Variants in WNT8A observed in about 807,000 individuals in gnomAD.
The protein encoded by WNT8A is protein Wnt-8a.
WNT8A carries 14 observed loss-of-function variants against 20.5 expected under a neutral mutation model. The ratio of observed to expected loss-of-function variants is 0.68; its 90% CI spans 0.45 to 1.07. WNT8A has a LOEUF of 1.07. Ranked by LOEUF, WNT8A falls within the 50% of genes least tolerant of loss-of-function variation. The pLI, the probability that WNT8A is intolerant of heterozygous loss-of-function variation, is 0.00. For synonymous variants in WNT8A, 167 were observed against 169.2 expected (o/e 0.99, Z 0.10); for missense variants, 397 against 462.9 (o/e 0.86, Z 1.31).
Position 138,091,119 on chromosome 5 carries a change from G to T in WNT8A, c.*46G>T, listed in dbSNP as rs976724725. 2 of 1,579,190 alleles carry T rather than the reference G, an allele frequency of 1.3e-6. No homozygotes were observed. The highest frequency in any genetic ancestry group is 1.7e-6 in the Non-Finnish European group (2 of 1,165,086). ...CTTGATTAATTGCATCAGTGGAAGG[G>T]GACATAGCTTCTCTCTTAGAGAGAA... On this transcript the variant is annotated 3_prime_UTR_variant, in exon 5 of 5. Coordinates refer to ENST00000506684, the MANE Select transcript of WNT8A (RefSeq NM_001300939.2).
At chr5:138,083,337 G>T (rs2151143514), upstream of WNT8A, among the ~76,000 whole-genome samples, 1 of 151,658 alleles carries the variant, frequency 6.6e-6, no homozygotes, top group Admixed American at 6.6e-5. Context: ...ACCCTGGGTG[G>T]CCCTAAGGTT....
At chr5:138,083,219 T>C (rs576655673), upstream of WNT8A, among the ~76,000 whole-genome samples, 11 of 150,878 alleles carry the variant, frequency 7.3e-5, no homozygotes, top group Admixed American at 2.6e-4. Context: ...AGGCAGAGGT[T>C]GTAGTGAGCT....
rs1750581748 is a variant in WNT8A at position 138,084,148 on chromosome 5, C to G, written c.21C>G (p.Cys7Trp). 1 of 1,614,044 alleles carries G rather than the reference C, an allele frequency of 6.2e-7. No individual in the cohort carries two copies. Among genetic ancestry groups the G allele is most frequent in the African/African-American group, 1.3e-5 (1 of 74,926 alleles). The change falls in exon 1 of 5, where the codon TGC becomes TGG. Residue 7 changes from cysteine to tryptophan, a missense_variant. Transcript: ENST00000506684. ...GGCATATGCTGTGCTGCATTCAGTG[C>G]CTCTGCCTGGTAAGTCCTTTCCCAA... Reference protein sequence around the residue: MLCCIQCLCLVSPFPTL... With the variant: MLCCIQWLCLVSPFPTL...
At chr5:138,089,854 G>A (rs1280228414) in intron 4 of WNT8A, among the ~76,000 whole-genome samples, 1 of 152,142 alleles carries the variant, frequency 6.6e-6, no homozygotes, top group East Asian at 1.9e-4. Flanking sequence ...TAGAGATGAG[G>A]TTTCCCCATA....
Position 138,090,551 on chromosome 5 carries a change from G to T in WNT8A, c.588G>T (p.Arg196Ser). The change falls in exon 5 of 5, where the codon AGG (arginine) becomes AGT (serine). Residue 196 changes from arginine to serine, a missense_variant. Transcript: ENST00000506684. ...AGGCAGTGAGAGCCACCATGAAAAG[G>T]ACATGCAAATGTCATGGCATCTCTG... ...GRLAVRATMK[R>S]TCKCHGISGS... is the part of the protein sequence containing the mutation. 6.2e-7 allele frequency: 1 copy of T among 1,614,008 alleles called. No individual in the cohort carries two copies. Among genetic ancestry groups the T allele is most frequent in the South Asian group, 1.1e-5 (1 of 90,996 alleles).
the WNT8A span, among the ~76,000 whole-genome samples, chr5:138,077,512 T>C: frequency 1.3e-5 from 2 of 152,200 alleles, no homozygotes; most frequent in Non-Finnish European, 1.5e-5. Flanking sequence ...TAAATATTTT[T>C]GGAATGAATA....
At chr5:138,089,336 C>G (rs189831832) in intron 4 of WNT8A, among the ~76,000 whole-genome samples, 2 of 152,310 alleles carry the variant, frequency 1.3e-5, no homozygotes, top group East Asian at 3.9e-4. Context: ...CCCCTCCACA[C>G]GCGGGCTTCT....
upstream of WNT8A, among the ~76,000 whole-genome samples, chr5:138,081,656 A>C (rs1311572158): frequency 1.3e-5 from 2 of 152,046 alleles, no homozygotes; most frequent in Admixed American, 1.3e-4. Context: ...TATTTTCCCC[A>C]AGCAGAGAGG....
downstream of WNT8A, chr5:138,091,567 G>T: frequency 8.3e-7 from 1 of 1,208,790 alleles, no homozygotes; most frequent in African/African-American, 1.6e-5. Context: ...CTGCCTACTG[G>T]AAAGTTTTAG....
upstream of WNT8A, among the ~76,000 whole-genome samples, chr5:138,079,639 AG>A (rs2151141882): frequency 6.6e-6 from 1 of 152,264 alleles, no homozygotes; most frequent in African/African-American, 2.4e-5. Context: ...CCAGCACACC[AG>A]GGCTTTAGAG....
intron 2 of WNT8A, among the ~76,000 whole-genome samples, chr5:138,085,022 C>T (rs546123970): frequency 5.3e-5 from 8 of 152,192 alleles, no homozygotes; most frequent in Non-Finnish European, 8.8e-5. Flanking sequence ...CCGCAACTTC[C>T]GCCTCCGGAG....
chr5:138,080,452 T>TTTTTTTTG (rs1561572100), upstream of WNT8A, among the ~76,000 whole-genome samples: 13 of 43,864 alleles, frequency 3.0e-4, no homozygotes, highest in South Asian at 1.9e-3. Flanking sequence ...TTGTTTTTTT[T>TTTTTTTTG]TTTTTTTTTT....
At position 138,091,339 on chromosome 5, in the gene WNT8A, A is replaced by T. The variant is rs1346348475; in HGVS notation, c.*266A>T. The T allele has an allele frequency of 6.8e-7, 1 of 1,462,700 alleles. No homozygotes were observed. Among genetic ancestry groups the T allele is most frequent in the Non-Finnish European group, 9.1e-7 (1 of 1,094,392 alleles). The allele number at this position is 1,462,700 out of a possible 1,614,324, so 90.6% of individuals were successfully genotyped here. On this transcript the variant is annotated 3_prime_UTR_variant, in exon 5 of 5. Coordinates refer to ENST00000506684, the MANE Select transcript of WNT8A (RefSeq NM_001300939.2). Reference sequence around the variant, plus strand: ...ACTACTTTCCCATCTTTGTGCCTGTACTTATGCAGCTTTCTACAGGGAGAG... The same window carrying T: ...ACTACTTTCCCATCTTTGTGCCTGTTCTTATGCAGCTTTCTACAGGGAGAG...
In WNT8A at chr5:138,084,153, G is replaced by A. The variant is rs369349931; in HGVS notation, c.26G>A (p.Cys9Tyr). Residue 9 changes from cysteine to tyrosine, a missense_variant, in exon 1 of 5, where the codon TGC becomes TAC. Transcript: ENST00000506684. MLCCIQCL[C>Y]LVSPFPTLTP... is the part of the protein sequence containing the mutation. ...ATGCTGTGCTGCATTCAGTGCCTCT[G>A]CCTGGTAAGTCCTTTCCCAACCCTC... 2 of 1,614,180 alleles carry A rather than the reference G, an allele frequency of 1.2e-6. No individual in the cohort carries two copies. The highest frequency in any genetic ancestry group is 1.3e-5 in the African/African-American group (1 of 75,064).
Position 138,089,006 on chromosome 5 carries a change from T to C in WNT8A, c.501T>C (p.Ser167=), listed in dbSNP as rs768926648. ...GERISKLFVD[S]LEKGKDARAL... is the part of the protein sequence containing the mutation. ...GGATCTCCAAACTCTTTGTGGACAG[T>C]TTGGAGAAGGGGAAGGATGCCAGAG... Residue 167 remains serine (S), a synonymous_variant, in exon 4 of 5, where the codon AGT becomes AGC. Transcript: ENST00000506684. The C allele has an allele frequency of 6.2e-7, 1 of 1,613,788 alleles. No homozygotes were observed. The highest frequency in any genetic ancestry group is 8.5e-7 in the Non-Finnish European group (1 of 1,179,996).
chr5:138,082,909 AAATAAAT>A (rs1169714043), upstream of WNT8A, among the ~76,000 whole-genome samples: 25 of 140,936 alleles, frequency 1.8e-4, no homozygotes, highest in East Asian at 3.9e-4. Flanking sequence ...ATAAATAAAT[AAATAAAT>A]AAATAAAATA....
Position 138,087,830 on chromosome 5 carries a change from A to G in WNT8A, c.320A>G (p.His107Arg). Residue 107 changes from histidine (H) to arginine (R), a missense_variant, in exon 3 of 5, where the codon CAT (histidine) becomes CGT (arginine). By Grantham distance (29) the His-to-Arg change is conservative. Transcript: ENST00000506684. ...GCTACCAGAGAGACTTCCTTCATAC[A>G]TGCTATCAGCTCTGCTGGAGTCATG... is the stretch of plus-strand genomic sequence containing the variant. Reference protein sequence around the residue: ...RSATRETSFIHAISSAGVMYI... With the variant: ...RSATRETSFIRAISSAGVMYI... 6.2e-7 allele frequency: 1 copy of G among 1,613,990 alleles called. No homozygotes were observed. The highest frequency in any genetic ancestry group is 1.3e-5 in the African/African-American group (1 of 75,046).
At chr5:138,088,037 C>A in intron 3 of WNT8A, 106 bp downstream of exon 3, 1 of 1,493,044 alleles carries the variant, frequency 6.7e-7, no homozygotes, top group Non-Finnish European at 9.0e-7. Context: ...TCCCTTAAAC[C>A]TCAAGACTCC....
At chr5:138,084,727 C>T in intron 2 of WNT8A, 91 bp downstream of exon 2, 1 of 1,409,398 alleles carries the variant, frequency 7.1e-7, no homozygotes, top group South Asian at 1.8e-5. Context: ...ATGTATTGCA[C>T]AGTGAAATAA....
Sources: gnomAD v4.1 joint callset for allele counts (sites outside exome capture counted in the v4.1 genomes callset) on GRCh38, gnomAD v4.1.1 for gene constraint, MANE v1.5 for transcripts, NCBI Gene and HGNC (gene_info 2026-07-23, HGNC 2026-07-21) for gene names.